SLC4A4: variants seen among roughly 807,000 people sequenced by gnomAD.
The protein encoded by SLC4A4 is electrogenic sodium bicarbonate cotransporter 1.
SLC4A4 carries 27 observed loss-of-function variants against 111.5 expected under a neutral mutation model. The ratio of observed to expected loss-of-function variants is 0.24; its 90% CI spans 0.18 to 0.33. The LOEUF is 0.33. Ranked by LOEUF, SLC4A4 falls within the 10% of genes least tolerant of loss-of-function variation. The pLI is 1.00. For missense variants in SLC4A4, 909 were observed against 1,315.5 expected (o/e 0.69, Z 4.78); for synonymous variants, 443 against 463.4 (o/e 0.96, Z 0.57).
At chr4:71,503,235 T>C (rs1408924342) in intron 16 of SLC4A4, among the ~76,000 whole-genome samples, 1 of 150,402 alleles carries the variant, frequency 6.6e-6, no homozygotes, top group African/African-American at 2.4e-5. Flanking sequence ...CAAACTATAG[T>C]TTGGTCTTTT....
chr4:71,428,742 G>A (rs1307843254), intron 7 of SLC4A4, among the ~76,000 whole-genome samples: 4 of 152,074 alleles, frequency 2.6e-5, no homozygotes, highest in South Asian at 2.1e-4. Context: ...GTGAATGTTA[G>A]CATGTGGACA....
chr4:71,242,674 A>G (rs1195512657), intron 2 of SLC4A4, among the ~76,000 whole-genome samples: 6 of 151,740 alleles, frequency 4.0e-5, no homozygotes. Flanking sequence ...TTTGGTTATT[A>G]TAATCTTCTT....
chr4:71,404,006 A>G (rs935344363), intron 7 of SLC4A4, among the ~76,000 whole-genome samples: 10 of 152,212 alleles, frequency 6.6e-5, no homozygotes, highest in African/African-American at 9.6e-5. Context: ...CTTCTGTGCC[A>G]TAGAAATATC....
chr4:71,498,734 G>A (rs1348018072), intron 16 of SLC4A4, among the ~76,000 whole-genome samples: 1 of 152,142 alleles, frequency 6.6e-6, no homozygotes, highest in Non-Finnish European at 1.5e-5. Flanking sequence ...GTGAAATTTA[G>A]AAAGAAGCAT....
At chr4:71,151,757 A>T (rs1425998165) in intron 2 of SLC4A4, among the ~76,000 whole-genome samples, 1 of 65,294 alleles carries the variant, frequency 1.5e-5, no homozygotes, top group Non-Finnish European at 2.4e-5. Context: ...CATTTCTACT[A>T]AAAAAAAAAA....
At chr4:71,286,461 G>T (rs1723928086) in intron 3 of SLC4A4, among the ~76,000 whole-genome samples, 1 of 152,182 alleles carries the variant, frequency 6.6e-6, no homozygotes, top group Admixed American at 6.5e-5. Context: ...ATTTGCTTTG[G>T]AGACTTAGGA....
At chr4:71,399,495 C>T (rs1307370992) in intron 7 of SLC4A4, among the ~76,000 whole-genome samples, 2 of 143,374 alleles carry the variant, frequency 1.4e-5, no homozygotes, top group African/African-American at 2.6e-5. Context: ...CTCTCCCTCC[C>T]TCCCTTCCTT....
chr4:71,108,554 G>T (rs985501486), intron 2 of SLC4A4, among the ~76,000 whole-genome samples: 2 of 152,148 alleles, frequency 1.3e-5, no homozygotes, highest in East Asian at 1.9e-4. Flanking sequence ...CTGCTCTCTC[G>T]TTGCTTTCAA....
chr4:71,317,750 G>A (rs183449863), intron 3 of SLC4A4, among the ~76,000 whole-genome samples: 23 of 152,000 alleles, frequency 1.5e-4, no homozygotes, highest in Non-Finnish European at 2.8e-4. Context: ...GGAAGAGTAC[G>A]GACTTTATGG....
chr4:71,348,041 T>C (rs1429296941), intron 4 of SLC4A4, among the ~76,000 whole-genome samples: 1 of 152,172 alleles, frequency 6.6e-6, no homozygotes, highest in African/African-American at 2.4e-5. Context: ...GCATCATATA[T>C]AAATATGATT....
chr4:71,332,781 T>TTAA (rs960833338), intron 3 of SLC4A4, among the ~76,000 whole-genome samples: 62 of 152,318 alleles, frequency 4.1e-4, no homozygotes, highest in African/African-American at 1.5e-3. Flanking sequence ...ATTCTTCTGC[T>TTAA]TAAGTCTGCT....
intron 16 of SLC4A4, among the ~76,000 whole-genome samples, chr4:71,510,426 A>G (rs1178390985): frequency 6.6e-6 from 1 of 152,170 alleles, no homozygotes; most frequent in African/African-American, 2.4e-5. Flanking sequence ...CTAGTCGGCC[A>G]TCTTAATGAA....
intron 6 of SLC4A4, among the ~76,000 whole-genome samples, chr4:71,381,131 A>C (rs1337561240): frequency 6.6e-6 from 1 of 152,208 alleles, no homozygotes; most frequent in Admixed American, 6.5e-5. Context: ...ATCGAAGTGC[A>C]GTCTTACTAG....
chr4:71,147,440 T>C (rs1169285507), intron 2 of SLC4A4, among the ~76,000 whole-genome samples: 4 of 152,076 alleles, frequency 2.6e-5, no homozygotes, highest in African/African-American at 9.7e-5. Flanking sequence ...GAGAGATGAA[T>C]TCCAAAATCA....
intron 2 of SLC4A4, among the ~76,000 whole-genome samples, chr4:71,153,913 G>T (rs1311855154): frequency 6.6e-6 from 1 of 152,174 alleles, no homozygotes; most frequent in East Asian, 1.9e-4. Context: ...TGTGATGCAG[G>T]AGCATCAGTA....
intron 2 of SLC4A4, among the ~76,000 whole-genome samples, chr4:71,118,019 G>A (rs1743319117): frequency 1.3e-5 from 2 of 151,942 alleles, no homozygotes; most frequent in Admixed American, 1.3e-4. Context: ...TGGGATTACA[G>A]GCATGCGCCA....
chr4:71,152,530 A>G (rs1744336123), intron 2 of SLC4A4, among the ~76,000 whole-genome samples: 1 of 152,156 alleles, frequency 6.6e-6, no homozygotes, highest in African/African-American at 2.4e-5. Context: ...ATAATAATCC[A>G]TTGTTTGAGT....
chr4:71,162,438 G>C (rs1272624120), intron 2 of SLC4A4, among the ~76,000 whole-genome samples: 1 of 152,186 alleles, frequency 6.6e-6, no homozygotes, highest in Admixed American at 6.5e-5. Context: ...TGGCACCACT[G>C]TCAGGTACTC....
Position 71,360,770 on chromosome 4 carries a change from A to G in SLC4A4, c.730+3583A>G, listed in dbSNP as rs1730704873. Among the ~76,000 whole-genome samples the G allele has an allele frequency of 2.6e-5, 4 of 152,172 alleles. No individual in the cohort carries two copies. The East Asian group carries it at 7.7e-4, about 29-fold the overall frequency. On this transcript the variant is annotated intron_variant, in intron 6 of 25. Coordinates refer to ENST00000264485, the MANE Select transcript of SLC4A4 (RefSeq NM_001098484.3). ...ACTAACTATATGCAATTTACAATAC[A>G]ATATTGTATATTTTATTATTATTTA...
Sources: allele counts gnomAD v4.1 joint callset (sites outside exome capture counted in the v4.1 genomes callset), GRCh38; gene constraint gnomAD v4.1.1; transcripts MANE v1.5; gene names NCBI Gene and HGNC (gene_info 2026-07-23, HGNC 2026-07-21).